Variants in KHDRBS3 observed in about 807,000 individuals in gnomAD.
KHDRBS3 encodes KH domain-containing, RNA-binding, signal transduction-associated protein 3.
In KHDRBS3, 23 loss-of-function variants were observed where a neutral mutation model predicts 45.6. That is an observed-to-expected ratio of 0.50 (90% CI 0.36 to 0.72). The LOEUF is 0.72. Ranked by LOEUF, KHDRBS3 falls within the 30% of genes least tolerant of loss-of-function variation. The pLI, the probability that KHDRBS3 is intolerant of heterozygous loss-of-function variation, is 0.00. For missense variants in KHDRBS3, 352 were observed against 424.8 expected, an observed-to-expected ratio of 0.83 and a Z score of 1.51; for synonymous variants, 162 against 156.5, an observed-to-expected ratio of 1.04 and a Z score of -0.26.
chr8:135,513,059 G>A (rs139829409), intron 1 of KHDRBS3, among the ~76,000 whole-genome samples: 3,765 of 152,158 alleles, frequency 0.025, 159 homozygotes, highest in African/African-American at 0.083. Flanking sequence ...AATTAGCTGG[G>A]CGCAGTGGCA....
At chr8:135,475,703 G>A (rs549226498) in intron 1 of KHDRBS3, among the ~76,000 whole-genome samples, 1 of 152,204 alleles carries the variant, frequency 6.6e-6, no homozygotes, top group South Asian at 2.1e-4. Context: ...TAATAATAAT[G>A]ATCTGTGATT....
chr8:135,572,969 A>G (rs1017945193), intron 5 of KHDRBS3, among the ~76,000 whole-genome samples: 3 of 152,234 alleles, frequency 2.0e-5, no homozygotes, highest in Admixed American at 1.3e-4. Context: ...AGATTGTCAA[A>G]TGTATTAGGA....
intron 1 of KHDRBS3, among the ~76,000 whole-genome samples, chr8:135,508,861 C>A (rs1824136959): frequency 6.6e-6 from 1 of 152,150 alleles, no homozygotes; most frequent in Admixed American, 6.5e-5. Flanking sequence ...TTTAGGTATA[C>A]TTTCCTGCTT....
At position 135,646,903 on chromosome 8, in the gene KHDRBS3, C is replaced by G. The variant is rs1476532900; in HGVS notation, c.950-90C>G. The stretch of plus-strand genomic sequence containing the variant: ...TATATATTTTCAATATGACATGTAC[C>G]TTTGGTTCAGGGCTAAGTTAGAGTC... On this transcript the variant is annotated intron_variant, in intron 8 of 8. Transcript: ENST00000355849. The G allele has an allele frequency of 5.4e-6, 4 of 744,514 alleles. No individual in the cohort carries two copies. The East Asian group carries it at 7.7e-5, about 14-fold the overall frequency. 46.1% of individuals were successfully genotyped at this position (744,514 alleles called of 1,614,324 possible). A position where few individuals can be genotyped will look rare whatever the true frequency, so the allele number is the denominator to read the frequency against.
intron 5 of KHDRBS3, among the ~76,000 whole-genome samples, chr8:135,578,904 T>A (rs1035343606): frequency 6.6e-6 from 1 of 152,228 alleles, no homozygotes; most frequent in Admixed American, 6.5e-5. Flanking sequence ...ATAGGAATAC[T>A]GTACATATTT....
chr8:135,457,940 G>C lies in KHDRBS3; in HGVS notation c.74G>C (p.Arg25Pro), dbSNP rs933104072. 1 of 1,598,502 alleles carries C rather than the reference G, an allele frequency of 6.3e-7. No homozygotes were observed. Among genetic ancestry groups the C allele is most frequent in the Non-Finnish European group, 8.5e-7 (1 of 1,173,416 alleles). ...SLDPSFTHAL[R>P]LVNQEIEKFQ... ...GACCCCTCCTTCACGCACGCCCTGC[G>C]CCTGGTGAACCAAGGTGAGGCGCCG... Residue 25 changes from arginine (R) to proline (P), a missense_variant, in exon 1 of 9, where the codon CGC becomes CCC. Transcript: ENST00000355849. The surrounding 1 kb of genome is among the most constrained non-coding windows in gnomAD (Gnocchi z 4.4).
chr8:135,628,353 C>T (rs183702776), intron 7 of KHDRBS3, among the ~76,000 whole-genome samples: 44 of 152,120 alleles, frequency 2.9e-4, no homozygotes, highest in African/African-American at 1.0e-3. Flanking sequence ...GAACAGATGT[C>T]GAATGAAAAA....
intron 5 of KHDRBS3, among the ~76,000 whole-genome samples, chr8:135,569,503 T>C (rs1394475718): frequency 1.3e-5 from 2 of 152,234 alleles, no homozygotes; most frequent in African/African-American, 2.4e-5. Context: ...TTTCTAAGTT[T>C]GGATTGTCTT....
chr8:135,469,622 A>G (rs1242053630), intron 1 of KHDRBS3, among the ~76,000 whole-genome samples: 1 of 145,784 alleles, frequency 6.9e-6, no homozygotes, highest in African/African-American at 2.6e-5. Context: ...TCTGCCTCCC[A>G]GGTTCAAGCA....
chr8:135,481,223 G>GAT (rs10529846), intron 1 of KHDRBS3, among the ~76,000 whole-genome samples: 1,786 of 77,224 alleles, frequency 0.023, 46 homozygotes, highest in African/African-American at 0.065. Context: ...TGAAAGCCAC[G>GAT]ATATATATAT....
chr8:135,515,412 T>C (rs1461263565), intron 1 of KHDRBS3, among the ~76,000 whole-genome samples: 1 of 117,984 alleles, frequency 8.5e-6, no homozygotes, highest in Non-Finnish European at 1.9e-5. Flanking sequence ...AGATTCCCTG[T>C]GTTTGCTAAA....
intron 2 of KHDRBS3, among the ~76,000 whole-genome samples, chr8:135,537,099 A>T (rs370933171): frequency 2.6e-5 from 4 of 152,052 alleles, no homozygotes; most frequent in African/African-American, 9.6e-5. Flanking sequence ...AGCAGTGAAC[A>T]CACAGGCCTA....
rs368660639 is a variant in KHDRBS3, at chr8:135,521,346, G to A, written c.198G>A (p.Gln66=). The part of the protein sequence containing the change: ...LGQKVLIPVK[Q]FPKFNFVGKL... ...AGAAAGTGTTAATTCCCGTAAAACAGTTCCCTAAGGTAAGACAGTGAGGTC... is the reference window on the plus strand; with the variant it reads ...AGAAAGTGTTAATTCCCGTAAAACAATTCCCTAAGGTAAGACAGTGAGGTC... The change falls in exon 2 of 9, where the codon CAG becomes CAA. Residue 66 remains glutamine (Q), a synonymous_variant. Transcript: ENST00000355849. 10 of 1,584,272 alleles carry A rather than the reference G, an allele frequency of 6.3e-6. No individual in the cohort carries two copies. Among genetic ancestry groups the A allele is most frequent in the Non-Finnish European group, 8.7e-6 (10 of 1,153,514 alleles).
At chr8:135,538,624 CTT>C (rs1825892876) in intron 2 of KHDRBS3, 1 of 152,148 alleles carries the variant, frequency 6.6e-6, no homozygotes, top group Non-Finnish European at 1.5e-5. Flanking sequence ...AATGTAATGA[CTT>C]TTATAAGCCA....
chr8:135,593,871 G>A (rs181059093), intron 6 of KHDRBS3, among the ~76,000 whole-genome samples: 3 of 152,260 alleles, frequency 2.0e-5, no homozygotes, highest in Admixed American at 2.0e-4. Flanking sequence ...GGAACAAACA[G>A]GAAAGTACAA....
chr8:135,520,659 C>T (rs1824859610), intron 1 of KHDRBS3, among the ~76,000 whole-genome samples: 1 of 151,954 alleles, frequency 6.6e-6, no homozygotes, highest in Non-Finnish European at 1.5e-5. Flanking sequence ...GGTTGAGTCT[C>T]GAAAGGAGAT....
intron 4 of KHDRBS3, among the ~76,000 whole-genome samples, chr8:135,555,286 A>G (rs1826819484): frequency 6.6e-6 from 1 of 152,206 alleles, no homozygotes; most frequent in Non-Finnish European, 1.5e-5. Context: ...AAGCTTGTCC[A>G]ACCCACGTGC....
intron 3 of KHDRBS3, among the ~76,000 whole-genome samples, chr8:135,544,661 T>G (rs1437214468): frequency 6.6e-6 from 1 of 152,184 alleles, no homozygotes; most frequent in Non-Finnish European, 1.5e-5. Context: ...CAATGAGTCC[T>G]CTTGACTACC....
chr8:135,610,272 T>G (rs1207120871), intron 7 of KHDRBS3, among the ~76,000 whole-genome samples: 3 of 151,940 alleles, frequency 2.0e-5, no homozygotes, highest in Non-Finnish European at 4.4e-5. Context: ...CTTATGTGTC[T>G]TGTTTTAATA....
Sources: allele counts gnomAD v4.1 joint callset (sites outside exome capture counted in the v4.1 genomes callset), GRCh38; gene constraint gnomAD v4.1.1; non-coding constraint Gnocchi (gnomAD v3.1); transcripts MANE v1.5; gene names NCBI Gene and HGNC (gene_info 2026-07-23, HGNC 2026-07-21).